BLOC1S3: variants seen among roughly 807,000 people sequenced by gnomAD.
The protein encoded by BLOC1S3 is biogenesis of lysosomal organelles complex 1 subunit 3.
In BLOC1S3, 7 loss-of-function variants were observed where a neutral mutation model predicts 9.1. That is an observed-to-expected ratio of 0.77 (90% CI 0.44 to 1.45). The LOEUF (loss-of-function observed/expected upper bound fraction) is 1.45, where lower values mean the gene tolerates loss of function less well. Among genes scored for constraint, BLOC1S3 ranks in the 40% most tolerant of loss-of-function variants. The pLI is 0.01. For synonymous variants in BLOC1S3, 145 were observed against 158.4 expected, an observed-to-expected ratio of 0.92 and a Z score of 0.64; for missense variants, 307 against 315.2, an observed-to-expected ratio of 0.97 and a Z score of 0.20.
In BLOC1S3 at chr19:45,198,491, G is replaced by T. The variant is rs182033010; in HGVS notation, n.181-3915G>T. ...GTATTTTTAGTAGAGACAAGGTTTC[G>T]CCATGTTGGCCAGGCTGGTCTTGAA... On this transcript the variant is annotated intron_variant and non_coding_transcript_variant, in intron 2 of 3. Coordinates refer to the BLOC1S3 transcript ENST00000591569. Among the ~76,000 whole-genome samples, 36 of 152,142 alleles carry T rather than the reference G, an allele frequency of 2.4e-4. No individual in the cohort carries two copies. The East Asian group carries it at 6.8e-3, about 29-fold the overall frequency.
chr19:45,182,594 G>T (rs1013577534), downstream of BLOC1S3, among the ~76,000 whole-genome samples: 6 of 152,120 alleles, frequency 3.9e-5, no homozygotes, highest in African/African-American at 1.4e-4. Flanking sequence ...AGCCCAGGAG[G>T]TGGAGGTTAC....
At chr19:45,210,230 GTTTC>G (rs71338757) in intron 3 of BLOC1S3, among the ~76,000 whole-genome samples, 34,299 of 143,258 alleles carry the variant, frequency 0.24, 4,727 homozygotes, top group Non-Finnish European at 0.33. Flanking sequence ...TGAGTATGAG[GTTTC>G]TTTATTTAAA....
intron 2 of BLOC1S3, among the ~76,000 whole-genome samples, chr19:45,193,132 CAAA>C (rs71173123): frequency 0.041 from 3,136 of 76,934 alleles, 28 homozygotes; most frequent in South Asian, 0.084. Flanking sequence ...AACTCCGTCT[CAAA>C]AAAAAAAAAA....
Position 45,179,874 on chromosome 19 carries a change from A to C in BLOC1S3, c.578A>C (p.Glu193Ala), listed in dbSNP as rs771058698. 3.7e-6 allele frequency: 6 copies of C among 1,608,990 alleles called. No individual in the cohort carries two copies. The African/African-American group carries it at 8.1e-5, about 22-fold the overall frequency. The change falls in exon 2 of 2, where the codon GAG (glutamate) becomes GCG (alanine). Residue 193 changes from glutamate to alanine, a missense_variant. Physicochemically the swap from Glu to Ala is moderately radical, Grantham distance 107 (BLOSUM62 -1). Coordinates refer to ENST00000433642, the MANE Select transcript of BLOC1S3 (RefSeq NM_212550.5). This position sits in a 1 kb window ranked among gnomAD's most constrained non-coding sequence, Gnocchi z 4.6. The part of the protein sequence containing the change: ...LPDIRGVPGT[E>A]PEKDPGPRA ...GACATCCGCGGCGTGCCAGGGACCG[A>C]GCCTGAGAAAGACCCGGGGCCGCGG...
downstream of BLOC1S3, among the ~76,000 whole-genome samples, chr19:45,183,627 T>TTC (rs1041802396): frequency 7.5e-6 from 1 of 132,570 alleles, no homozygotes; most frequent in Non-Finnish European, 1.6e-5. Context: ...TCTTTTCTTT[T>TTC]TTTTTTTTTT....
At chr19:45,187,451 C>T (rs77332277) in intron 1 of BLOC1S3, 4,320 of 152,510 alleles carry the variant, frequency 0.028, 100 homozygotes, top group Non-Finnish European at 0.043. Context: ...GGTATGTCCC[C>T]ACACCTGCTT....
At chr19:45,211,490 G>A (rs1332124936) in intron 3 of BLOC1S3, among the ~76,000 whole-genome samples, 1 of 148,516 alleles carries the variant, frequency 6.7e-6, no homozygotes, top group African/African-American at 2.5e-5. Context: ...TAGCCTGGGC[G>A]ACAGAATGAG....
At chr19:45,188,576 T>C (rs1969582967) in intron 2 of BLOC1S3, among the ~76,000 whole-genome samples, 1 of 139,840 alleles carries the variant, frequency 7.2e-6, no homozygotes, top group Admixed American at 7.4e-5. Flanking sequence ...TTATTATTAT[T>C]ATTATTATTA....
chr19:45,205,840 A>T (rs1969722150), intron 3 of BLOC1S3, among the ~76,000 whole-genome samples: 3 of 152,252 alleles, frequency 2.0e-5, no homozygotes, highest in Admixed American at 2.0e-4. Context: ...AATGATTTGA[A>T]TAAACACTTC....
chr19:45,207,576 A>AT (rs1568476676), intron 3 of BLOC1S3, among the ~76,000 whole-genome samples: 1 of 150,402 alleles, frequency 6.6e-6, no homozygotes, highest in Non-Finnish European at 1.5e-5. Context: ...AAAAAAAAAA[A>AT]AAAAAAAAAA....
intron 3 of BLOC1S3, among the ~76,000 whole-genome samples, chr19:45,211,428 T>C (rs549769877): frequency 1.3e-5 from 2 of 151,114 alleles, no homozygotes; most frequent in East Asian, 3.9e-4. Flanking sequence ...AATAAATTGC[T>C]TGAACCTGGG....
downstream of BLOC1S3, among the ~76,000 whole-genome samples, chr19:45,183,269 C>G (rs1471672576): frequency 6.6e-6 from 1 of 152,062 alleles, no homozygotes; most frequent in Non-Finnish European, 1.5e-5. Flanking sequence ...CACCTGAAGT[C>G]AGGAGTTCGA....
chr19:45,182,732 G>A (rs1411491923), downstream of BLOC1S3, among the ~76,000 whole-genome samples: 1 of 152,078 alleles, frequency 6.6e-6, no homozygotes. Flanking sequence ...TGCCCAAGTT[G>A]GTCTTGAACT....
chr19:45,210,020 A>T (rs964896348), intron 3 of BLOC1S3, among the ~76,000 whole-genome samples: 3 of 152,076 alleles, frequency 2.0e-5, no homozygotes, highest in Non-Finnish European at 4.4e-5. Context: ...GGCGTGAGCC[A>T]TTGTGCCTGG....
intron 2 of BLOC1S3, among the ~76,000 whole-genome samples, chr19:45,188,648 T>G (rs1054410538): frequency 6.7e-6 from 1 of 149,696 alleles, no homozygotes; most frequent in Admixed American, 6.7e-5. Context: ...TCTTGGCTCA[T>G]TGCAACCTGT....
downstream of BLOC1S3, among the ~76,000 whole-genome samples, chr19:45,182,043 C>G (rs966992111): frequency 6.6e-6 from 1 of 152,164 alleles, no homozygotes; most frequent in Non-Finnish European, 1.5e-5. Context: ...AGTCCCTGCC[C>G]TCACAGAGGT....
intron 3 of BLOC1S3, among the ~76,000 whole-genome samples, chr19:45,215,433 T>C (rs867482976): frequency 6.6e-6 from 1 of 151,612 alleles, no homozygotes; most frequent in Non-Finnish European, 1.5e-5. Flanking sequence ...ATTGTGCCAC[T>C]GCACTCCAGC....
intron 2 of BLOC1S3, chr19:45,202,404 A>T (rs1969698331): frequency 6.5e-6 from 1 of 154,920 alleles, no homozygotes; most frequent in Admixed American, 6.5e-5. Flanking sequence ...TTCCTCACAC[A>T]GGAGTCTCTC....
chr19:45,206,694 A>G (rs185138227), intron 3 of BLOC1S3, among the ~76,000 whole-genome samples: 4 of 150,994 alleles, frequency 2.6e-5, no homozygotes, highest in African/African-American at 7.3e-5. Context: ...TCCTGGGCTC[A>G]AGTGATTCCT....
Sources: allele counts gnomAD v4.1 joint callset (sites outside exome capture counted in the v4.1 genomes callset), GRCh38; gene constraint gnomAD v4.1.1; non-coding constraint Gnocchi (gnomAD v3.1); transcripts MANE v1.5; gene names NCBI Gene and HGNC (gene_info 2026-07-23, HGNC 2026-07-21).